TRRAP: variants seen among roughly 807,000 people sequenced by gnomAD.
TRRAP encodes the protein transformation/transcription domain associated protein, also known as transformation/transcription domain-associated protein.
A neutral mutation model predicts 438.8 loss-of-function variants in TRRAP; 41 were observed. The observed-to-expected ratio is 0.09, with a 90% CI of 0.07 to 0.12. The LOEUF (loss-of-function observed/expected upper bound fraction) is 0.12, where lower values mean the gene tolerates loss of function less well. Ranked by LOEUF, TRRAP falls within the 10% of genes least tolerant of loss-of-function variation. The pLI is 1.00. For missense variants in TRRAP, 3,122 were observed against 5,055.1 expected, an observed-to-expected ratio of 0.62 and a Z score of 11.60; for synonymous variants, 1,994 against 1,962.9, an observed-to-expected ratio of 1.02 and a Z score of -0.42.
rs1166868634 is a variant in TRRAP, at chr7:98,908,192, T to C, written c.1116-536T>C. On this transcript the variant is annotated intron_variant, in intron 13 of 72. Coordinates refer to ENST00000456197, the MANE Select transcript of TRRAP (RefSeq NM_001375524.1). This position sits in a 1 kb window ranked among gnomAD's most constrained non-coding sequence, Gnocchi z 4.1. ...GCACTTACTAACTTGTGTAGCTTAT[T>C]TCTTTACTTGTGTGTTCTCTGCTGT... Among the ~76,000 whole-genome samples, 2 of 152,234 alleles carry C rather than the reference T, an allele frequency of 1.3e-5. No individual in the cohort carries two copies. The highest frequency in any genetic ancestry group is 4.8e-5 in the African/African-American group (2 of 41,464).
At position 98,931,587 on chromosome 7, in the gene TRRAP, G is replaced by T; in HGVS notation, c.3774G>T (p.Lys1258Asn). 1.9e-6 allele frequency: 3 copies of T among 1,614,242 alleles called. No homozygotes were observed. Among genetic ancestry groups the T allele is most frequent in the Non-Finnish European group, 1.7e-6 (2 of 1,180,042 alleles). Residue 1258 changes from lysine (K) to asparagine (N), a missense_variant, in exon 26 of 73, where the codon AAG (lysine) becomes AAT (asparagine). Physicochemically the swap from Lys to Asn is moderately conservative, Grantham distance 94. Transcript: ENST00000456197. ...EVTSPNSTVR[K>N]QAMHSLQVLA... ...CCTCTCCAAACTCCACTGTGAGGAAGCAGGCCATGCATTCGCTGCAGGTGT... is the reference window on the plus strand; with the variant it reads ...CCTCTCCAAACTCCACTGTGAGGAATCAGGCCATGCATTCGCTGCAGGTGT...
intron 4 of TRRAP, 29 bp from the exon 5 acceptor site, chr7:98,892,395 C>T (rs782100127): frequency 6.4e-7 from 1 of 1,551,420 alleles, no homozygotes; most frequent in Non-Finnish European, 8.9e-7. Context: ...GTATTTTTAT[C>T]CTTACATTTA....
intron 58 of TRRAP, 106 bp from the exon 59 acceptor site, chr7:98,981,663 C>A: frequency 8.7e-7 from 1 of 1,149,874 alleles, no homozygotes; most frequent in Non-Finnish European, 1.2e-6. Context: ...CTGTGTATTG[C>A]CTTGCATACC....
chr7:98,983,668 T>C (rs1793031831), intron 60 of TRRAP, among the ~76,000 whole-genome samples: 1 of 152,190 alleles, frequency 6.6e-6, no homozygotes, highest in African/African-American at 2.4e-5. Flanking sequence ...TTTTTGTTTC[T>C]GTACCTGTTA....
intron 21 of TRRAP, among the ~76,000 whole-genome samples, chr7:98,922,951 C>T (rs1419249303): frequency 6.6e-6 from 1 of 152,132 alleles, no homozygotes; most frequent in Non-Finnish European, 1.5e-5. Context: ...GAAGCTGGTA[C>T]AGATAAGCGT....
In TRRAP at chr7:98,925,001, T is replaced by C. The variant is rs1449913087; in HGVS notation, c.2824-111T>C. 23 of 1,397,132 alleles carry C rather than the reference T, an allele frequency of 1.6e-5. No individual in the cohort carries two copies. The African/African-American group carries it at 2.5e-4, about 15-fold the overall frequency. The allele number at this position is 1,397,132 out of a possible 1,614,324, so 86.5% of individuals were successfully genotyped here. ...GCCCAGGCGACAGAGCGAGACTCCG[T>C]CTCAAAAAAAAAAAAAGATTCTTCT... On this transcript the variant is annotated intron_variant, in intron 21 of 72. Coordinates refer to ENST00000456197, the MANE Select transcript of TRRAP (RefSeq NM_001375524.1).
chr7:98,956,511 C>T lies in TRRAP; in HGVS notation c.6209C>T (p.Thr2070Met), dbSNP rs151014290. Residue 2070 changes from threonine to methionine, a missense_variant, in exon 43 of 73, where the codon ACG (threonine) becomes ATG (methionine). Physicochemically the swap from Thr to Met is moderately conservative, Grantham distance 81. This residue lies in a region of TRRAP where 992 missense variants were observed against 1,281.2 expected (regional missense o/e 0.77). Coordinates refer to ENST00000456197, the MANE Select transcript of TRRAP (RefSeq NM_001375524.1). This position sits in a 1 kb window ranked among gnomAD's most constrained non-coding sequence, Gnocchi z 4.5. ...DSAQEVKRFRTATGAISAVFG... is the reference protein window; with the variant it reads ...DSAQEVKRFRMATGAISAVFG... The stretch of plus-strand genomic sequence containing the variant: ...GCCCAGGAAGTGAAACGCTTTAGGA[C>T]GGCCACCGGAGCCATCAGTGCAGTA... 1.8e-4 allele frequency: 283 copies of T among 1,613,982 alleles called. No homozygotes were observed. Among genetic ancestry groups the T allele is most frequent in the Non-Finnish European group, 2.2e-4 (254 of 1,180,010 alleles).
chr7:99,011,953 C>T lies in TRRAP; in HGVS notation c.11338-118C>T, dbSNP rs892337335. 14 of 1,336,492 alleles carry T rather than the reference C, an allele frequency of 1.0e-5. No homozygotes were observed. The highest frequency in any genetic ancestry group is 2.9e-5 in the African/African-American group (2 of 69,024). The allele number at this position is 1,336,492 out of a possible 1,614,324, so 82.8% of individuals were successfully genotyped here. A position where few individuals can be genotyped will look rare whatever the true frequency, so the allele number is the denominator to read the frequency against. On this transcript the variant is annotated intron_variant, in intron 72 of 72. Coordinates refer to ENST00000456197, the MANE Select transcript of TRRAP (RefSeq NM_001375524.1). The surrounding 1 kb of genome is among the most constrained non-coding windows in gnomAD (Gnocchi z 7.1). ...CACAGCCTGGCCTGGTGCTGAAACT[C>T]GACTGGCCCTTGGTGGCCCTGAGCG...
chr7:98,882,082 C>T (rs531023157), intron 3 of TRRAP, 58 bp downstream of exon 3: 3 of 1,450,976 alleles, frequency 2.1e-6, no homozygotes, highest in South Asian at 2.5e-5. Flanking sequence ...ATTCACTTTC[C>T]TGTCCTGCTT....
chr7:98,888,103 G>A (rs186501950), intron 3 of TRRAP, among the ~76,000 whole-genome samples: 20 of 152,108 alleles, frequency 1.3e-4, no homozygotes, highest in East Asian at 9.7e-4. Flanking sequence ...GGTGGCGGGC[G>A]CCTGTAGTCC....
chr7:98,930,430 T>A (rs1294951519), intron 24 of TRRAP, among the ~76,000 whole-genome samples: 3 of 152,034 alleles, frequency 2.0e-5, no homozygotes, highest in Admixed American at 2.0e-4. Context: ...TAAAAAAAAT[T>A]AGCCAGGCGT....
chr7:98,979,412 A>G (rs1254908605), intron 58 of TRRAP, among the ~76,000 whole-genome samples: 1 of 152,162 alleles, frequency 6.6e-6, no homozygotes, highest in African/African-American at 2.4e-5. Flanking sequence ...TGTAATTGCT[A>G]CTTACACAGT....
intron 11 of TRRAP, 85 bp from the exon 12 acceptor site, chr7:98,903,293 TG>T: frequency 6.5e-7 from 1 of 1,549,826 alleles, no homozygotes; most frequent in African/African-American, 1.4e-5. Context: ...AAGGTCTTAC[TG>T]AATTTTTAAG....
At chr7:98,959,180 G>A (rs1466312820) in intron 44 of TRRAP, among the ~76,000 whole-genome samples, 164 bp from the exon 45 acceptor site, 1 of 152,102 alleles carries the variant, frequency 6.6e-6, no homozygotes, top group Admixed American at 6.5e-5. Flanking sequence ...GGCTGGTTGG[G>A]GAAGGTGTCC....
chr7:98,891,661 G>A (rs981214753), intron 4 of TRRAP, among the ~76,000 whole-genome samples: 1 of 150,154 alleles, frequency 6.7e-6, no homozygotes, highest in Admixed American at 6.7e-5. Flanking sequence ...TCAGCCTCCC[G>A]AGTAGCTGGG....
chr7:98,935,644 G>T lies in TRRAP; in HGVS notation c.4080G>T (p.Pro1360=). The T allele has an allele frequency of 6.2e-7, 1 of 1,604,026 alleles. No individual in the cohort carries two copies. The highest frequency in any genetic ancestry group is 8.5e-7 in the Non-Finnish European group (1 of 1,171,754). The change falls in exon 28 of 73, where the codon CCG becomes CCT. Residue 1360 remains proline, a synonymous_variant. Transcript: ENST00000456197. ...LTKLPCYKSL[P]SLVPLRIAAL... ...AGCTGCCCTGTTATAAAAGCCTTCC[G>T]TCACTCGTACCTTTACGAATTGCGG...
chr7:98,903,557 C>A, intron 12 of TRRAP, 40 bp downstream of exon 12: 1 of 1,610,056 alleles, frequency 6.2e-7, no homozygotes, highest in Non-Finnish European at 8.5e-7. Flanking sequence ...TGATGCTAGT[C>A]CTGTGGCCAT....
Position 98,981,810 on chromosome 7 carries a change from C to T in TRRAP, c.8676C>T (p.Asn2892=), listed in dbSNP as rs1240963554. 6.2e-7 allele frequency: 1 copy of T among 1,605,814 alleles called. No homozygotes were observed. The highest frequency in any genetic ancestry group is 8.5e-7 in the Non-Finnish European group (1 of 1,176,614). Residue 2892 remains asparagine, a synonymous_variant, in exon 59 of 73, where the codon AAC becomes AAT. Transcript: ENST00000456197. ...CGAAGGAGATGGCCTGGAAGGTGAA[C>T]ATGTACCGCGGATACCTGGCCATCT... ...SCPKEMAWKV[N]MYRGYLAICH...
chr7:98,918,747 A>G (rs73155627), intron 20 of TRRAP, among the ~76,000 whole-genome samples: 4,186 of 152,156 alleles, frequency 0.028, 85 homozygotes, highest in South Asian at 0.054. Context: ...AAACACTTGT[A>G]TATTTGTTTA....
Sources: gnomAD v4.1 joint callset for allele counts (sites outside exome capture counted in the v4.1 genomes callset) on GRCh38, gnomAD v4.1.1 for gene constraint, gnomAD v4.1.1 regional missense constraint, Gnocchi (gnomAD v3.1) non-coding constraint, MANE v1.5 for transcripts, NCBI Gene and HGNC (gene_info 2026-07-23, HGNC 2026-07-21) for gene names.